Variants in MARF1 observed in about 807,000 individuals in gnomAD.
The protein encoded by MARF1 is meiosis regulator and mRNA stability factor 1, also known as limkain-b1.
Under a neutral mutation model 168.2 loss-of-function variants are expected in MARF1, and 24 were observed. That is an observed-to-expected ratio of 0.14 (90% CI 0.10 to 0.20). The LOEUF is 0.20. Ranked by LOEUF, MARF1 falls within the 10% of genes least tolerant of loss-of-function variation. The probability of loss-of-function intolerance (pLI) is 1.00; values close to 1 mark genes in which losing one functional copy is unlikely to be tolerated. For synonymous variants in MARF1, 868 were observed against 822.4 expected, an observed-to-expected ratio of 1.06 and a Z score of -0.95; for missense variants, 1,744 against 2,143.6, an observed-to-expected ratio of 0.81 and a Z score of 3.68.
At position 15,639,041 on chromosome 16, in the gene MARF1, T is replaced by G. The variant is rs113416963; in HGVS notation, c.144+49A>C. 26 of 1,574,066 alleles carry G rather than the reference T, an allele frequency of 1.7e-5. No individual in the cohort carries two copies. In the African/African-American group the frequency reaches 3.0e-4, roughly 18 times the overall value. On this transcript the variant is annotated intron_variant, in intron 2 of 26. Coordinates refer to ENST00000396368, the MANE Select transcript of MARF1 (RefSeq NM_014647.4). ...TCCCAGACCAAATGGACCTCTCTCA[T>G]CTATTTGGATGAGGAATCTGCTACA...
Position 15,635,785 on chromosome 16 carries a change from T to C in MARF1, c.702A>G (p.Pro234=). 2 of 1,614,218 alleles carry C rather than the reference T, an allele frequency of 1.2e-6. No individual in the cohort carries two copies. Among genetic ancestry groups the C allele is most frequent in the Non-Finnish European group, 1.7e-6 (2 of 1,180,036 alleles). Residue 234 remains proline, a synonymous_variant, in exon 3 of 27, where the codon CCA becomes CCG. Coordinates refer to ENST00000396368, the MANE Select transcript of MARF1 (RefSeq NM_014647.4). Reference sequence around the variant, plus strand: ...GTGAAATGTGCTCTTCCAAATGCCCTGGAGCCCCGCTTGTGAAATCAGAAC... The same window carrying C: ...GTGAAATGTGCTCTTCCAAATGCCCCGGAGCCCCGCTTGTGAAATCAGAAC... ...FPCSDFTSGA[P]GHLEEHISQS... is the part of the protein sequence containing the mutation.
chr16:15,620,293 GTC>G lies in MARF1; in HGVS notation c.2720+156_2720+157del, dbSNP rs1236166952. On this transcript the variant is annotated intron_variant, in intron 13 of 26. Transcript: ENST00000396368. ...TAAAAATAAAAGACGTTTTAAAACT[GTC>G]TGCTAAACATTCATTGACATGTAAA... 2.0e-5 allele frequency among the ~76,000 whole-genome samples: 3 copies of G among 152,318 alleles called. No homozygotes were observed. The East Asian group carries it at 5.8e-4, about 29-fold the overall frequency.
chr16:15,616,972 A>G (rs2151155744), intron 15 of MARF1, 80 bp downstream of exon 15: 1 of 1,496,730 alleles, frequency 6.7e-7, no homozygotes, highest in Admixed American at 2.1e-5. Context: ...ATTTGTAAAG[A>G]GATGTGGGCA....
At chr16:15,602,384 AGAC>A (rs2032534869) in intron 22 of MARF1, 181 bp from the exon 23 acceptor site, 1 of 620,778 alleles carries the variant, frequency 1.6e-6, no homozygotes, top group Admixed American at 3.0e-5. Context: ...AAGAAGAAGG[AGAC>A]GACAAAGATA....
At chr16:15,628,515 TCTC>T (rs1383427761) in intron 7 of MARF1, among the ~76,000 whole-genome samples, 6 of 151,900 alleles carry the variant, frequency 3.9e-5, no homozygotes, top group African/African-American at 1.5e-4. Context: ...TTCAAGTGAT[TCTC>T]CTGTCTCAGC....
rs927464722 is a variant in MARF1, at chr16:15,600,919, T to C, written c.4627-218A>G. The C allele has an allele frequency of 2.3e-5, 16 of 701,856 alleles. No homozygotes were observed. In the Middle Eastern group the frequency reaches 9.8e-4, roughly 43 times the overall value. 43.5% of individuals were successfully genotyped at this position (701,856 alleles called of 1,614,324 possible). A position where few individuals can be genotyped will look rare whatever the true frequency, so the allele number is the denominator to read the frequency against. On this transcript the variant is annotated intron_variant, in intron 23 of 26. Transcript: ENST00000396368. Reference sequence around the variant, plus strand: ...AAAAAGCAGAGTAGTTCAAAAATCATGAGACACAGTTTCAGAAATATCCTT... The same window carrying C: ...AAAAAGCAGAGTAGTTCAAAAATCACGAGACACAGTTTCAGAAATATCCTT...
chr16:15,635,098 G>A, intron 3 of MARF1, 167 bp from the exon 4 acceptor site: 1 of 571,616 alleles, frequency 1.7e-6, no homozygotes, highest in South Asian at 2.7e-5. Flanking sequence ...TTAGCTATCA[G>A]TTCATAAATT....
intron 16 of MARF1, among the ~76,000 whole-genome samples, chr16:15,615,347 C>T (rs891835688): frequency 3.9e-5 from 6 of 152,178 alleles, no homozygotes; most frequent in Middle Eastern, 6.8e-3. Flanking sequence ...AAGTCTAGGC[C>T]GGTTGCTGTG....
chr16:15,604,771 G>A (rs1018387514), intron 21 of MARF1, among the ~76,000 whole-genome samples: 1 of 152,246 alleles, frequency 6.6e-6, no homozygotes, highest in East Asian at 1.9e-4. Flanking sequence ...TGCTGTGCTC[G>A]AAGGGGGGTA....
chr16:15,597,283 C>T (rs974531680), intron 26 of MARF1, among the ~76,000 whole-genome samples: 5 of 152,194 alleles, frequency 3.3e-5, no homozygotes, highest in African/African-American at 9.7e-5. Context: ...TAAAGCTATC[C>T]ACGACTTAGA....
At chr16:15,631,547 A>G in intron 5 of MARF1, 49 bp from the exon 6 acceptor site, 1 of 1,296,586 alleles carries the variant, frequency 7.7e-7, no homozygotes, top group Non-Finnish European at 1.1e-6. Flanking sequence ...GAGGCTAGAA[A>G]ATTGCTACAC....
intron 4 of MARF1, 87 bp downstream of exon 4, chr16:15,634,670 A>T: frequency 7.8e-7 from 1 of 1,280,854 alleles, no homozygotes; most frequent in African/African-American, 1.5e-5. Flanking sequence ...ACCATAAGGA[A>T]TCCTTCAAAG....
At position 15,621,883 on chromosome 16, in the gene MARF1, G is replaced by A; in HGVS notation, c.2489C>T (p.Thr830Ile). ...CACAACAGCCTTGAGTTGATAATCT[G>A]TATGGGGGCTGAGCTCAACACTCTT... is the stretch of plus-strand genomic sequence containing the variant. ...KVKSVELSPHTDYQLKAVVQM... is the reference protein window; with the variant it reads ...KVKSVELSPHIDYQLKAVVQM... The change falls in exon 12 of 27, where the codon ACA (threonine) becomes ATA (isoleucine). Residue 830 changes from threonine to isoleucine, a missense_variant. Thr to Ile is a moderately conservative substitution (Grantham distance 89). Around this residue, in one of 7 missense-constraint regions of MARF1, gnomAD observed 543 missense variants for 742.1 expected, o/e 0.73. Transcript: ENST00000396368. The A allele has an allele frequency of 1.2e-6, 2 of 1,614,116 alleles. No individual in the cohort carries two copies. The highest frequency in any genetic ancestry group is 1.3e-5 in the African/African-American group (1 of 75,030).
intron 16 of MARF1, among the ~76,000 whole-genome samples, chr16:15,615,596 GC>G (rs889875522): frequency 2.0e-5 from 3 of 152,134 alleles, no homozygotes. Flanking sequence ...CTGCACTCCA[GC>G]TAGGCGACAG....
chr16:15,598,713 A>G (rs2032033457), intron 26 of MARF1, 141 bp downstream of exon 26: 2 of 840,674 alleles, frequency 2.4e-6, no homozygotes, highest in African/African-American at 1.7e-5. Flanking sequence ...GTGGGGAAAG[A>G]AGGTCGAATA....
chr16:15,623,943 G>A (rs9652610), intron 10 of MARF1, among the ~76,000 whole-genome samples: 15,887 of 135,764 alleles, frequency 0.12, 1,224 homozygotes, highest in African/African-American at 0.24. Flanking sequence ...ACGGAGTCTC[G>A]CTCTGTCACC....
chr16:15,598,404 A>T (rs572767281), intron 26 of MARF1, among the ~76,000 whole-genome samples: 7 of 152,126 alleles, frequency 4.6e-5, no homozygotes, highest in Admixed American at 1.3e-4. Flanking sequence ...CCTGTCTGTT[A>T]TATCACTGGG....
chr16:15,624,197 G>A (rs1428324518), intron 10 of MARF1, among the ~76,000 whole-genome samples: 1 of 152,148 alleles, frequency 6.6e-6, no homozygotes, highest in Non-Finnish European at 1.5e-5. Context: ...GGGATTACAG[G>A]CGTGAGCCAC....
chr16:15,631,667 G>C (rs993034704), intron 5 of MARF1, among the ~76,000 whole-genome samples, 169 bp from the exon 6 acceptor site: 13 of 152,128 alleles, frequency 8.5e-5, no homozygotes, highest in African/African-American at 2.9e-4. Flanking sequence ...GTGGTGGTTT[G>C]CTGCACCTAT....
Sources: allele counts gnomAD v4.1 joint callset (sites outside exome capture counted in the v4.1 genomes callset), GRCh38; gene constraint gnomAD v4.1.1; regional missense constraint gnomAD v4.1.1; transcripts MANE v1.5; gene names NCBI Gene and HGNC (gene_info 2026-07-23, HGNC 2026-07-21).